GPM6A: variants seen among roughly 807,000 people sequenced by gnomAD.
The protein encoded by GPM6A is neuronal membrane glycoprotein M6-a.
Under a neutral mutation model 32.1 loss-of-function variants are expected in GPM6A, and 7 were observed. That is an observed-to-expected ratio of 0.22 (90% CI 0.12 to 0.41). GPM6A has a LOEUF of 0.41. Ranked by LOEUF, GPM6A falls within the 10% of genes least tolerant of loss-of-function variation. The pLI, the probability that GPM6A is intolerant of heterozygous loss-of-function variation, is 1.00. For synonymous variants in GPM6A, 130 were observed against 123.4 expected (o/e 1.05, Z -0.35); for missense variants, 235 against 347.2 (o/e 0.68, Z 2.57).
chr4:175,683,347 G>A (rs1352126044), intron 2 of GPM6A, among the ~76,000 whole-genome samples: 1 of 152,204 alleles, frequency 6.6e-6, no homozygotes, highest in East Asian at 1.9e-4. Context: ...TGATTTTTCA[G>A]GCTCACAAGT....
chr4:176,000,265 T>A (rs1303390288), intron 1 of GPM6A, among the ~76,000 whole-genome samples: 1 of 152,224 alleles, frequency 6.6e-6, no homozygotes, highest in Non-Finnish European at 1.5e-5. Context: ...TATCCACTTC[T>A]GGCAGTAGAA....
intron 1 of GPM6A, among the ~76,000 whole-genome samples, chr4:175,791,992 C>A (rs552447726): frequency 8.1e-4 from 123 of 152,218 alleles, no homozygotes; most frequent in African/African-American, 2.9e-3. Flanking sequence ...CCTGAGCAGT[C>A]CTCATAAGCC....
intron 1 of GPM6A, among the ~76,000 whole-genome samples, chr4:175,870,430 G>A (rs1033037992): frequency 3.9e-5 from 6 of 152,086 alleles, no homozygotes; most frequent in African/African-American, 1.4e-4. Context: ...CACTCAAAAT[G>A]TTATTACGTA....
At chr4:175,962,127 C>T (rs1579667625) in intron 1 of GPM6A, 1 of 778,840 alleles carries the variant, frequency 1.3e-6, no homozygotes, top group Non-Finnish European at 2.3e-6. Flanking sequence ...CCATCCGGAC[C>T]CAGTGACAAT....
chr4:175,998,184 C>T (rs1051752944), intron 1 of GPM6A, among the ~76,000 whole-genome samples: 2 of 151,216 alleles, frequency 1.3e-5, no homozygotes, highest in Non-Finnish European at 1.5e-5. Context: ...GACTGAGTCT[C>T]TCTCTGTTGT....
chr4:175,826,107 C>G (rs543123541), intron 1 of GPM6A, among the ~76,000 whole-genome samples: 1 of 152,026 alleles, frequency 6.6e-6, no homozygotes, highest in South Asian at 2.1e-4. Flanking sequence ...CTGTAGTGAG[C>G]CATGTTCATG....
At chr4:175,936,524 G>A (rs1739240965) in intron 1 of GPM6A, among the ~76,000 whole-genome samples, 2 of 151,774 alleles carry the variant, frequency 1.3e-5, no homozygotes, top group Admixed American at 6.6e-5. Flanking sequence ...ACAAATCCTA[G>A]CAGCCTGCAG....
intron 1 of GPM6A, among the ~76,000 whole-genome samples, chr4:175,971,641 AAAG>A (rs1313127960): frequency 6.6e-6 from 1 of 152,178 alleles, no homozygotes; most frequent in Non-Finnish European, 1.5e-5. Flanking sequence ...AAACCAAAGG[AAAG>A]AAGGAGGTGT....
intron 1 of GPM6A, among the ~76,000 whole-genome samples, chr4:175,790,913 T>C (rs931007560): frequency 1.3e-5 from 2 of 152,186 alleles, no homozygotes; most frequent in African/African-American, 2.4e-5. Flanking sequence ...ATATATAACA[T>C]ACAAAATGTT....
intron 1 of GPM6A, among the ~76,000 whole-genome samples, chr4:175,869,258 A>G (rs563730450): frequency 2.6e-5 from 4 of 152,152 alleles, no homozygotes; most frequent in Admixed American, 6.6e-5. Flanking sequence ...CATACTTTAT[A>G]CAGATTATAT....
At chr4:175,833,322 A>G (rs1735671803) in intron 1 of GPM6A, among the ~76,000 whole-genome samples, 1 of 152,186 alleles carries the variant, frequency 6.6e-6, no homozygotes, top group African/African-American at 2.4e-5. Flanking sequence ...ATAGAATGTG[A>G]AACAAGGTGG....
chr4:175,914,512 A>G (rs1281382159), intron 1 of GPM6A, among the ~76,000 whole-genome samples: 1 of 152,124 alleles, frequency 6.6e-6, no homozygotes, highest in Non-Finnish European at 1.5e-5. Flanking sequence ...GAGTAGAGAC[A>G]GGGTTTCATC....
At chr4:175,824,074 A>G (rs1406415772) in intron 1 of GPM6A, among the ~76,000 whole-genome samples, 1 of 152,200 alleles carries the variant, frequency 6.6e-6, no homozygotes, top group East Asian at 1.9e-4. Flanking sequence ...TCCATTAAGG[A>G]GAAAACAAAT....
intron 3 of GPM6A, among the ~76,000 whole-genome samples, chr4:175,654,874 A>ATTGGAAAATT (rs1741997371): frequency 6.6e-6 from 1 of 152,148 alleles, no homozygotes; most frequent in African/African-American, 2.4e-5. Context: ...TCTAAAATCC[A>ATTGGAAAATT]TGGAAGAGTA....
intron 1 of GPM6A, among the ~76,000 whole-genome samples, chr4:175,989,118 A>AT (rs1273407669): frequency 6.6e-6 from 1 of 152,184 alleles, no homozygotes; most frequent in Non-Finnish European, 1.5e-5. Context: ...ATAGCACCAC[A>AT]TATCAATTAA....
At chr4:175,704,546 G>T (rs1206803903) in intron 1 of GPM6A, among the ~76,000 whole-genome samples, 1 of 152,064 alleles carries the variant, frequency 6.6e-6, no homozygotes. Flanking sequence ...TCTGTCTCTT[G>T]ATGTTCTACA....
chr4:175,758,893 C>G (rs1732632875), intron 1 of GPM6A, among the ~76,000 whole-genome samples: 1 of 152,060 alleles, frequency 6.6e-6, no homozygotes, highest in Non-Finnish European at 1.5e-5. Flanking sequence ...CAAATTCATG[C>G]TAATTTATGC....
intron 6 of GPM6A, among the ~76,000 whole-genome samples, chr4:175,637,344 TATA>T (rs1314543421): frequency 1.5e-5 from 1 of 67,504 alleles, no homozygotes; most frequent in African/African-American, 5.6e-5. Flanking sequence ...TTATATATTA[TATA>T]AAAATATATA....
At chr4:175,752,971 G>A (rs1732394905) in intron 1 of GPM6A, among the ~76,000 whole-genome samples, 1 of 152,148 alleles carries the variant, frequency 6.6e-6, no homozygotes, top group African/African-American at 2.4e-5. Context: ...CTAGTTTTAG[G>A]AAGAATCATT....
Sources: gnomAD v4.1 joint callset for allele counts (sites outside exome capture counted in the v4.1 genomes callset) on GRCh38, gnomAD v4.1.1 for gene constraint, MANE v1.5 for transcripts, NCBI Gene and HGNC (gene_info 2026-07-23, HGNC 2026-07-21) for gene names.